TRAPPC9: variants seen among roughly 807,000 people sequenced by gnomAD.
TRAPPC9 encodes the protein trafficking protein particle complex subunit 9.
In TRAPPC9, 83 loss-of-function variants were observed where a neutral mutation model predicts 124.0. The ratio of observed to expected loss-of-function variants is 0.67; its 90% CI spans 0.56 to 0.80. The LOEUF is 0.80. Among genes scored for constraint, TRAPPC9 ranks in the 30% least tolerant of loss-of-function variants. The pLI is 0.00. For synonymous variants in TRAPPC9, 638 were observed against 617.5 expected (o/e 1.03, Z -0.49); for missense variants, 1,302 against 1,508.3 (o/e 0.86, Z 2.27).
At chr8:140,311,115 T>C (rs779451170) in intron 10 of TRAPPC9, 133 bp downstream of exon 10, 4 of 1,080,332 alleles carry the variant, frequency 3.7e-6, no homozygotes, top group Non-Finnish European at 5.4e-6. Flanking sequence ...TGCTTTCAAG[T>C]TTAATGAGAT....
chr8:139,729,934 T>C lies in TRAPPC9; in HGVS notation c.*1127A>G, dbSNP rs1051489854. Among the ~76,000 whole-genome samples the C allele has an allele frequency of 6.6e-6, 1 of 152,168 alleles. No homozygotes were observed. Among genetic ancestry groups the C allele is most frequent in the Non-Finnish European group, 1.5e-5 (1 of 68,016 alleles). The stretch of plus-strand genomic sequence containing the variant: ...AGGGCTGTTTATCCTCCCTGGGACC[T>C]GGGGAGCTAAGGGTCAACACAGCCA... On this transcript the variant is annotated 3_prime_UTR_variant, in exon 23 of 23. Transcript: ENST00000438773.
At chr8:140,349,106 G>A (rs529775290) in intron 9 of TRAPPC9, among the ~76,000 whole-genome samples, 1 of 130,500 alleles carries the variant, frequency 7.7e-6, no homozygotes, top group South Asian at 3.0e-4. Flanking sequence ...GGGCAAGCGG[G>A]GGGGCTGAAG....
At chr8:140,239,516 G>T (rs998844526) in intron 16 of TRAPPC9, among the ~76,000 whole-genome samples, 7 of 152,320 alleles carry the variant, frequency 4.6e-5, no homozygotes, top group Non-Finnish European at 1.5e-5. Context: ...CGCGAGATGA[G>T]GGTGGTGGAG....
chr8:139,967,128 T>G (rs1835757415), intron 19 of TRAPPC9, among the ~76,000 whole-genome samples: 1 of 152,192 alleles, frequency 6.6e-6, no homozygotes, highest in South Asian at 2.1e-4. Flanking sequence ...CTTGTTGGGT[T>G]CTGGCTGCCT....
chr8:139,901,345 T>TAA (rs1394024663), intron 20 of TRAPPC9, among the ~76,000 whole-genome samples: 6 of 152,250 alleles, frequency 3.9e-5, no homozygotes, highest in Admixed American at 3.9e-4. Context: ...AAGACTGCTT[T>TAA]AAATGATTAA....
chr8:140,163,424 G>C (rs1420578022), intron 17 of TRAPPC9, among the ~76,000 whole-genome samples: 3 of 152,228 alleles, frequency 2.0e-5, no homozygotes, highest in Admixed American at 2.0e-4. Flanking sequence ...CAGAGATTCT[G>C]TGTCCAGTTT....
intron 9 of TRAPPC9, among the ~76,000 whole-genome samples, chr8:140,345,428 G>A (rs2067316924): frequency 6.6e-6 from 1 of 152,184 alleles, no homozygotes; most frequent in African/African-American, 2.4e-5. Context: ...GGAAAATGAT[G>A]CCCGTCCCAT....
chr8:140,117,814 T>TC (rs2060918278), intron 17 of TRAPPC9, among the ~76,000 whole-genome samples: 1 of 152,230 alleles, frequency 6.6e-6, no homozygotes, highest in African/African-American at 2.4e-5. Context: ...GATGTTTTTT[T>TC]CTCTTAAAGA....
At chr8:140,310,570 G>A (rs1437189069) in intron 10 of TRAPPC9, among the ~76,000 whole-genome samples, 1 of 152,164 alleles carries the variant, frequency 6.6e-6, no homozygotes, top group Non-Finnish European at 1.5e-5. Flanking sequence ...CACTTTGCAT[G>A]TGCCAAAAGG....
At chr8:139,937,554 G>A (rs1162939452) in intron 19 of TRAPPC9, among the ~76,000 whole-genome samples, 1 of 152,144 alleles carries the variant, frequency 6.6e-6, no homozygotes, top group African/African-American at 2.4e-5. Context: ...CAGGGCCGGT[G>A]CTGGGGCCAG....
At chr8:140,262,911 C>T (rs1242432877) in intron 15 of TRAPPC9, among the ~76,000 whole-genome samples, 2 of 152,172 alleles carry the variant, frequency 1.3e-5, no homozygotes, top group Non-Finnish European at 2.9e-5. Context: ...TGGCAGTGGA[C>T]GGAACTGCAA....
At chr8:139,948,248 A>AACACACACACAC (rs141771160) in intron 19 of TRAPPC9, among the ~76,000 whole-genome samples, 13 of 144,726 alleles carry the variant, frequency 9.0e-5, no homozygotes, top group African/African-American at 2.6e-4. Flanking sequence ...TGGTTCATAA[A>AACACACACACAC]ACACACACAC....
chr8:139,917,167 C>CTTTTTGTTTTTTTTTTTTTTTT (rs1832195117), intron 19 of TRAPPC9, among the ~76,000 whole-genome samples: 1 of 99,926 alleles, frequency 1.0e-5, no homozygotes, highest in African/African-American at 4.3e-5. Context: ...TTATTATTTT[C>CTTTTTGTTTTTTTTTTTTTTTT]TTTTTTTTTT....
intron 15 of TRAPPC9, among the ~76,000 whole-genome samples, chr8:140,254,931 G>A (rs1343183441): frequency 6.6e-6 from 1 of 152,226 alleles, no homozygotes; most frequent in Non-Finnish European, 1.5e-5. Flanking sequence ...CAGGAGCTCA[G>A]GGGAAGACGG....
At chr8:139,990,212 C>A (rs1006223340) in intron 18 of TRAPPC9, among the ~76,000 whole-genome samples, 7 of 152,164 alleles carry the variant, frequency 4.6e-5, no homozygotes, top group African/African-American at 1.7e-4. Context: ...CCTGTGACTT[C>A]ATGACAACAG....
intron 18 of TRAPPC9, among the ~76,000 whole-genome samples, chr8:140,016,201 G>T (rs1563691414): frequency 6.6e-6 from 1 of 152,090 alleles, no homozygotes; most frequent in African/African-American, 2.4e-5. Flanking sequence ...TACATACAAC[G>T]AAATACACAA....
chr8:140,256,157 A>C (rs753738504), intron 15 of TRAPPC9, among the ~76,000 whole-genome samples: 6 of 152,226 alleles, frequency 3.9e-5, no homozygotes, highest in Non-Finnish European at 8.8e-5. Context: ...AGGCTACTGA[A>C]TTCTCTGTCT....
intron 9 of TRAPPC9, among the ~76,000 whole-genome samples, chr8:140,327,843 T>C (rs990639928): frequency 1.3e-5 from 2 of 152,210 alleles, no homozygotes; most frequent in East Asian, 1.9e-4. Context: ...GCGGTGATGG[T>C]TGCATCACAC....
chr8:140,268,867 G>A (rs932796532), intron 15 of TRAPPC9, among the ~76,000 whole-genome samples: 2 of 152,122 alleles, frequency 1.3e-5, no homozygotes, highest in South Asian at 2.1e-4. Context: ...ATGAACCACC[G>A]CCAAAAGCAT....
Sources: allele counts gnomAD v4.1 joint callset (sites outside exome capture counted in the v4.1 genomes callset), GRCh38; gene constraint gnomAD v4.1.1; transcripts MANE v1.5; gene names NCBI Gene and HGNC (gene_info 2026-07-23, HGNC 2026-07-21).